Variants in LYPLAL1 observed in about 807,000 individuals in gnomAD.
The protein encoded by LYPLAL1 is lysophospholipase like 1, also known as lysophospholipase-like protein 1.
In LYPLAL1, 23 loss-of-function variants were observed where a neutral mutation model predicts 19.7. The ratio of observed to expected loss-of-function variants is 1.17; its 90% CI spans 0.84 to 1.65. The LOEUF (loss-of-function observed/expected upper bound fraction) is 1.65, where lower values mean the gene tolerates loss of function less well. Among genes scored for constraint, LYPLAL1 ranks in the 40% most tolerant of loss-of-function variants. The probability of loss-of-function intolerance (pLI) is 0.00; values close to 1 mark genes in which losing one functional copy is unlikely to be tolerated. For missense variants in LYPLAL1, 355 were observed against 279.4 expected, an observed-to-expected ratio of 1.27 and a Z score of -1.93; for synonymous variants, 119 against 96.3, an observed-to-expected ratio of 1.24 and a Z score of -1.38.
downstream of LYPLAL1, among the ~76,000 whole-genome samples, chr1:219,213,796 G>T (rs555077904): frequency 2.3e-4 from 35 of 152,126 alleles, no homozygotes; most frequent in Admixed American, 1.7e-3. Context: ...TTTTTCTGTA[G>T]ATTTTTAGGA....
chr1:219,225,248 A>G, the LYPLAL1 span: 5 of 152,100 alleles, frequency 3.3e-5, no homozygotes, highest in African/African-American at 1.2e-4. Context: ...CAAAATTCTT[A>G]CATTTACCAA....
chr1:219,262,580 C>G, the LYPLAL1 span, among the ~76,000 whole-genome samples: 1 of 152,116 alleles, frequency 6.6e-6, no homozygotes, highest in Non-Finnish European at 1.5e-5. Flanking sequence ...TCCTGAGATC[C>G]AAACTGCTGC....
chr1:219,206,318 T>C (rs1658563402), intron 3 of LYPLAL1, among the ~76,000 whole-genome samples: 1 of 152,144 alleles, frequency 6.6e-6, no homozygotes, highest in African/African-American at 2.4e-5. Flanking sequence ...ATACCCGTTA[T>C]AACCATTACC....
At chr1:219,226,524 A>T in the LYPLAL1 span, among the ~76,000 whole-genome samples, 1 of 152,166 alleles carries the variant, frequency 6.6e-6, no homozygotes, top group African/African-American at 2.4e-5. Context: ...CAGCACATCA[A>T]ATAGATAGCT....
the LYPLAL1 span, among the ~76,000 whole-genome samples, chr1:219,399,295 A>G: frequency 2.0e-5 from 3 of 152,100 alleles, no homozygotes; most frequent in Non-Finnish European, 4.4e-5. Flanking sequence ...GTGGTGACTC[A>G]GGTCCAGGGA....
At chr1:219,358,367 A>G in the LYPLAL1 span, among the ~76,000 whole-genome samples, 1,539 of 152,322 alleles carry the variant, frequency 0.01, 19 homozygotes, top group Non-Finnish European at 0.015. Context: ...ATTGTTTTCT[A>G]TGGGAATCCT....
chr1:219,242,562 C>T, the LYPLAL1 span, among the ~76,000 whole-genome samples: 60 of 152,178 alleles, frequency 3.9e-4, no homozygotes, highest in Non-Finnish European at 6.6e-4. Flanking sequence ...TCCTCTCACT[C>T]CTTATTTTTC....
At chr1:219,445,291 T>C in the LYPLAL1 span, among the ~76,000 whole-genome samples, 1 of 151,436 alleles carries the variant, frequency 6.6e-6, no homozygotes, top group Admixed American at 6.6e-5. Flanking sequence ...ATGGAACTGA[T>C]GAGTGTGGAA....
At chr1:219,191,956 G>T (rs1423212791) in intron 2 of LYPLAL1, among the ~76,000 whole-genome samples, 1 of 147,556 alleles carries the variant, frequency 6.8e-6, no homozygotes, top group Non-Finnish European at 1.5e-5. Context: ...TTGTTTCCAG[G>T]TTTTTTTTTT....
chr1:219,207,917 G>A (rs1055539408), intron 3 of LYPLAL1, among the ~76,000 whole-genome samples: 1 of 151,918 alleles, frequency 6.6e-6, no homozygotes, highest in African/African-American at 2.4e-5. Context: ...CGTAATTACT[G>A]CCCCCACCCT....
chr1:219,258,923 A>T, the LYPLAL1 span, among the ~76,000 whole-genome samples: 2 of 152,156 alleles, frequency 1.3e-5, no homozygotes, highest in African/African-American at 2.4e-5. Context: ...TCTGCAAGAA[A>T]AAAACAAATA....
chr1:219,180,808 G>A (rs998808695), intron 2 of LYPLAL1, among the ~76,000 whole-genome samples: 1 of 152,058 alleles, frequency 6.6e-6, no homozygotes, highest in Non-Finnish European at 1.5e-5. Flanking sequence ...GGAATTCTAG[G>A]CAGTATTTCT....
At chr1:219,355,395 A>C in the LYPLAL1 span, among the ~76,000 whole-genome samples, 1 of 152,220 alleles carries the variant, frequency 6.6e-6, no homozygotes, top group African/African-American at 2.4e-5. Flanking sequence ...ATAAAATAAA[A>C]AGGGAACACT....
At chr1:219,403,584 G>C in the LYPLAL1 span, among the ~76,000 whole-genome samples, 2 of 152,142 alleles carry the variant, frequency 1.3e-5, no homozygotes, top group African/African-American at 4.8e-5. Flanking sequence ...TAGGACAATA[G>C]GGTGCCAGTG....
the LYPLAL1 span, among the ~76,000 whole-genome samples, chr1:219,398,338 C>G: frequency 6.6e-6 from 1 of 152,162 alleles, no homozygotes; most frequent in African/African-American, 2.4e-5. Flanking sequence ...TCCACTTAGT[C>G]TATTCTGCTA....
At chr1:219,251,592 G>T in the LYPLAL1 span, among the ~76,000 whole-genome samples, 6 of 151,918 alleles carry the variant, frequency 3.9e-5, no homozygotes, top group African/African-American at 1.4e-4. Context: ...GGTTGTAAAT[G>T]TGCAGCCTTA....
chr1:219,288,371 A>G, the LYPLAL1 span, among the ~76,000 whole-genome samples: 1 of 152,168 alleles, frequency 6.6e-6, no homozygotes, highest in African/African-American at 2.4e-5. Flanking sequence ...CCAATCTGAA[A>G]AGGCCATATG....
chr1:219,391,959 A>G, the LYPLAL1 span, among the ~76,000 whole-genome samples: 2 of 151,874 alleles, frequency 1.3e-5, no homozygotes, highest in Admixed American at 6.6e-5. Context: ...TCAAGCCTCT[A>G]CCTCCTTCAT....
At chr1:219,232,268 A>T in the LYPLAL1 span, among the ~76,000 whole-genome samples, 1 of 152,234 alleles carries the variant, frequency 6.6e-6, no homozygotes, top group Admixed American at 6.5e-5. Context: ...CCGAGCTCAG[A>T]TAGACTCAGT....
Sources: gnomAD v4.1 joint callset for allele counts (sites outside exome capture counted in the v4.1 genomes callset) on GRCh38, gnomAD v4.1.1 for gene constraint, MANE v1.5 for transcripts, NCBI Gene and HGNC (gene_info 2026-07-23, HGNC 2026-07-21) for gene names.